Variants in PRKCA observed in about 807,000 individuals in gnomAD.
The protein encoded by PRKCA is protein kinase C alpha, also known as protein kinase C alpha type.
In PRKCA, 27 loss-of-function variants were observed where a neutral mutation model predicts 87.0. The observed-to-expected ratio is 0.31, with a 90% CI of 0.23 to 0.43. The LOEUF is 0.43. PRKCA is among the 20% of genes least tolerant of loss of function. The probability of loss-of-function intolerance (pLI) is 1.00; values close to 1 mark genes in which losing one functional copy is unlikely to be tolerated. For missense variants in PRKCA, 518 were observed against 852.3 expected, an observed-to-expected ratio of 0.61 and a Z score of 4.88; for synonymous variants, 329 against 311.1, an observed-to-expected ratio of 1.06 and a Z score of -0.61.
intron 2 of PRKCA, among the ~76,000 whole-genome samples, chr17:66,358,306 G>A (rs889361569): frequency 1.3e-5 from 2 of 152,104 alleles, no homozygotes; most frequent in African/African-American, 4.8e-5. Context: ...CGTTGTAATT[G>A]AATAATAAGT....
At chr17:66,460,180 C>T (rs1460921827) in intron 2 of PRKCA, among the ~76,000 whole-genome samples, 2 of 152,104 alleles carry the variant, frequency 1.3e-5, no homozygotes, top group East Asian at 1.9e-4. Context: ...TATTGAATTC[C>T]GCCTATGAAA....
intron 13 of PRKCA, among the ~76,000 whole-genome samples, chr17:66,765,454 A>ATATATATATATCTATC (rs1218360664): frequency 7.7e-6 from 1 of 130,090 alleles, no homozygotes; most frequent in African/African-American, 2.9e-5. Context: ...ATATATATAT[A>ATATATATATATCTATC]TCCATATATA....
intron 14 of PRKCA, among the ~76,000 whole-genome samples, chr17:66,784,546 T>A (rs781427708): frequency 6.6e-6 from 1 of 152,048 alleles, no homozygotes; most frequent in African/African-American, 2.4e-5. Context: ...CACGCCCAGC[T>A]ACTACATTTG....
chr17:66,714,221 C>A (rs561254658), intron 8 of PRKCA, among the ~76,000 whole-genome samples: 18 of 151,960 alleles, frequency 1.2e-4, no homozygotes, highest in East Asian at 1.9e-4. Context: ...TGTTCCCCCC[C>A]ACCCGCTGCT....
rs966615471 is a variant in PRKCA at position 66,808,384 on chromosome 17, T to C, written c.*4347T>C. 2.7e-5 allele frequency: 4 copies of C among 148,834 alleles called. No individual in the cohort carries two copies. Among genetic ancestry groups the C allele is most frequent in the Admixed American group, 6.8e-5 (1 of 14,758 alleles). 9.2% of individuals were successfully genotyped at this position (148,834 alleles called of 1,614,324 possible). A position where few individuals can be genotyped will look rare whatever the true frequency, so the allele number is the denominator to read the frequency against. The stretch of plus-strand genomic sequence containing the variant: ...CTGAAAAGAGAAAAAGTGACAATCT[T>C]GTATTTTTAAAAGCCTCGGAAAGGT... On this transcript the variant is annotated 3_prime_UTR_variant, in exon 17 of 17. Coordinates refer to ENST00000413366, the MANE Select transcript of PRKCA (RefSeq NM_002737.3).
At chr17:66,459,613 T>A (rs1914750208) in intron 2 of PRKCA, among the ~76,000 whole-genome samples, 1 of 152,216 alleles carries the variant, frequency 6.6e-6, no homozygotes, top group Admixed American at 6.5e-5. Flanking sequence ...ATTTGAGAGC[T>A]AAGTTCTATG....
chr17:66,425,923 G>GTAGTGATCCTGTGAATTA (rs1377803759), intron 2 of PRKCA, among the ~76,000 whole-genome samples: 3 of 152,082 alleles, frequency 2.0e-5, no homozygotes, highest in Admixed American at 2.0e-4. Flanking sequence ...TTTCGTCCTG[G>GTAGTGATCCTGTGAATTA]TAGTGATCCT....
chr17:66,665,435 T>G (rs961078688), intron 5 of PRKCA, among the ~76,000 whole-genome samples: 1 of 152,162 alleles, frequency 6.6e-6, no homozygotes, highest in African/African-American at 2.4e-5. Context: ...CCCAACACCC[T>G]GCACAGTGGA....
intron 2 of PRKCA, among the ~76,000 whole-genome samples, chr17:66,404,669 T>C (rs4417582): frequency 0.82 from 124,037 of 150,498 alleles, 51,792 homozygotes; most frequent in South Asian, 0.94. Context: ...TTATTCACCC[T>C]GAATCTTCTG....
intron 3 of PRKCA, among the ~76,000 whole-genome samples, chr17:66,521,919 T>C (rs879571779): frequency 5.3e-5 from 8 of 152,250 alleles, no homozygotes; most frequent in Admixed American, 5.2e-4. Context: ...GAATACAGAA[T>C]GCTCTTTGAA....
At chr17:66,538,586 T>C (rs1967871282) in intron 3 of PRKCA, among the ~76,000 whole-genome samples, 2 of 152,188 alleles carry the variant, frequency 1.3e-5, no homozygotes, top group African/African-American at 4.8e-5. Context: ...AACCTCAAGC[T>C]TATTTGGTTG....
chr17:66,502,018 ACTT>A (rs1003029875), intron 3 of PRKCA, among the ~76,000 whole-genome samples: 4 of 152,052 alleles, frequency 2.6e-5, no homozygotes, highest in Non-Finnish European at 4.4e-5. Context: ...TCTTCCTCTC[ACTT>A]CTTAAAACCT....
intron 3 of PRKCA, among the ~76,000 whole-genome samples, chr17:66,592,879 A>G (rs8078813): frequency 0.56 from 85,500 of 152,022 alleles, 25,136 homozygotes; most frequent in African/African-American, 0.73. Flanking sequence ...TGCAACTTCC[A>G]TCTCCTGGGT....
chr17:66,645,658 C>A, intron 5 of PRKCA, 147 bp downstream of exon 5: 1 of 1,174,746 alleles, frequency 8.5e-7, no homozygotes, highest in Non-Finnish European at 1.2e-6. Flanking sequence ...TGTCTCAGAG[C>A]CCTCCAGCCC....
intron 13 of PRKCA, among the ~76,000 whole-genome samples, chr17:66,765,731 G>A (rs1384938668): frequency 6.6e-6 from 1 of 151,646 alleles, no homozygotes; most frequent in East Asian, 2.0e-4. Context: ...AGCTGAATAG[G>A]GACAGTATAG....
rs1976020229 is a variant in PRKCA at position 66,805,806 on chromosome 17, G to A, written c.*1769G>A. On this transcript the variant is annotated 3_prime_UTR_variant, in exon 17 of 17. Coordinates refer to ENST00000413366, the MANE Select transcript of PRKCA (RefSeq NM_002737.3). Reference sequence around the variant, plus strand: ...CTGACCTTTGTGTGTGCGTGTGTGTGTGTTTCCTTCTTCCCTTCAGCCTGT... The same window carrying A: ...CTGACCTTTGTGTGTGCGTGTGTGTATGTTTCCTTCTTCCCTTCAGCCTGT... 6.9e-6 allele frequency: 1 copy of A among 145,222 alleles called. No individual in the cohort carries two copies. Among genetic ancestry groups the A allele is most frequent in the South Asian group, 2.4e-4 (1 of 4,128 alleles). 9.0% of individuals were successfully genotyped at this position (145,222 alleles called of 1,614,324 possible). A position where few individuals can be genotyped will look rare whatever the true frequency, so the allele number is the denominator to read the frequency against.
intron 2 of PRKCA, among the ~76,000 whole-genome samples, chr17:66,410,003 G>A (rs148471722): frequency 3.1e-4 from 47 of 152,262 alleles, no homozygotes; most frequent in Middle Eastern, 3.4e-3. Flanking sequence ...TTGTTCACTC[G>A]TTCGTTTGTG....
intron 10 of PRKCA, among the ~76,000 whole-genome samples, chr17:66,736,123 C>T (rs1294907560): frequency 6.6e-6 from 1 of 151,616 alleles, no homozygotes; most frequent in East Asian, 2.0e-4. Context: ...CTCAAACGAT[C>T]CCCCTACGTT....
chr17:66,356,121 A>G (rs1908031966), intron 2 of PRKCA, among the ~76,000 whole-genome samples: 1 of 151,330 alleles, frequency 6.6e-6, no homozygotes, highest in South Asian at 2.1e-4. Flanking sequence ...CTGGTCTCAA[A>G]CTCCTGATCT....
Sources: allele counts gnomAD v4.1 joint callset (sites outside exome capture counted in the v4.1 genomes callset), GRCh38; gene constraint gnomAD v4.1.1; transcripts MANE v1.5; gene names NCBI Gene and HGNC (gene_info 2026-07-23, HGNC 2026-07-21).